MIPOL1: variants seen among roughly 807,000 people sequenced by gnomAD.
The protein encoded by MIPOL1 is mirror-image polydactyly 1.
A neutral mutation model predicts 60.9 loss-of-function variants in MIPOL1; 57 were observed. That is an observed-to-expected ratio of 0.94 (90% CI 0.76 to 1.17). MIPOL1 has a LOEUF of 1.17. MIPOL1 is among the 50% of genes most tolerant of loss of function. MIPOL1 has a pLI of 0.00. For synonymous variants in MIPOL1, 179 were observed against 168.8 expected (o/e 1.06, Z -0.47); for missense variants, 551 against 511.6 (o/e 1.08, Z -0.74).
At chr14:37,318,791 TTTTA>T (rs149083164) in intron 9 of MIPOL1, among the ~76,000 whole-genome samples, 12,325 of 149,568 alleles carry the variant, frequency 0.082, 653 homozygotes, top group African/African-American at 0.14. Context: ...TTTTACTTCA[TTTTA>T]TTTATTTATT....
At chr14:37,509,021 G>T (rs1254334933) in intron 12 of MIPOL1, among the ~76,000 whole-genome samples, 1 of 151,696 alleles carries the variant, frequency 6.6e-6, no homozygotes, top group Non-Finnish European at 1.5e-5. Flanking sequence ...ATTTCTTTCG[G>T]GGATTACATC....
At chr14:37,429,955 G>A (rs950344642) in intron 11 of MIPOL1, among the ~76,000 whole-genome samples, 1 of 152,102 alleles carries the variant, frequency 6.6e-6, no homozygotes, top group Non-Finnish European at 1.5e-5. Flanking sequence ...TAGCCATGAA[G>A]CAATATTTTT....
intron 10 of MIPOL1, among the ~76,000 whole-genome samples, chr14:37,388,766 T>A (rs1456580615): frequency 6.6e-6 from 1 of 152,088 alleles, no homozygotes; most frequent in African/African-American, 2.4e-5. Context: ...TGTGTCTGGC[T>A]TCTTTCAACA....
chr14:37,239,026 C>T (rs8012018), intron 1 of MIPOL1, among the ~76,000 whole-genome samples: 65,832 of 148,914 alleles, frequency 0.44, 16,519 homozygotes, highest in African/African-American at 0.7. Context: ...GGAAGTCTTT[C>T]AAAAGTAGCA....
chr14:37,462,978 G>T (rs1036693235), intron 11 of MIPOL1, among the ~76,000 whole-genome samples: 1 of 152,026 alleles, frequency 6.6e-6, no homozygotes, highest in African/African-American at 2.4e-5. Flanking sequence ...CACATTTTCG[G>T]GTATCTTTTC....
rs1347906736 is a variant in MIPOL1, at chr14:37,368,359, C to T, written c.829-1158C>T. ...TTTTTCTTCTAAAACATTTTGTATA[C>T]TCAAAGTTGTGAAATATTGATACGT... On this transcript the variant is annotated intron_variant, in intron 9 of 12. Transcript: ENST00000684589. Among the ~76,000 whole-genome samples, 7 of 102,172 alleles carry T rather than the reference C, an allele frequency of 6.9e-5. No individual in the cohort carries two copies. The Admixed American group carries it at 7.1e-4, about 10-fold the overall frequency. The allele number at this position is 102,172 out of a possible 152,430, so 67.0% of individuals were successfully genotyped here.
Position 37,239,325 on chromosome 14 carries a change from G to A in MIPOL1, c.-198-7778G>A, listed in dbSNP as rs112802439. 2.6e-3 allele frequency among the ~76,000 whole-genome samples: 403 copies of A among 152,180 alleles called. 3 individuals carry two copies. Among genetic ancestry groups the A allele is most frequent in the African/African-American group, 9.1e-3 (378 of 41,524 alleles). ...CTCCCAAAGTGCTGGGATTACAGGCGTGAGCCACCGCGCCTGGCCTGCTTA... is the reference window on the plus strand; with the variant it reads ...CTCCCAAAGTGCTGGGATTACAGGCATGAGCCACCGCGCCTGGCCTGCTTA... On this transcript the variant is annotated intron_variant, in intron 1 of 12. Coordinates refer to ENST00000684589, the MANE Select transcript of MIPOL1 (RefSeq NM_001388067.1).
intron 3 of MIPOL1, among the ~76,000 whole-genome samples, 173 bp downstream of exon 3, chr14:37,248,080 GACACACAGAGAAAAGAGACAT>G (rs1329713155): frequency 6.6e-6 from 1 of 151,090 alleles, no homozygotes; most frequent in African/African-American, 2.4e-5. Context: ...TACAAAGAAA[GACACACAGAGAAAAGAGACAT>G]ACACACAGAG....
chr14:37,237,201 C>T (rs551132830), intron 1 of MIPOL1, among the ~76,000 whole-genome samples: 152 of 152,194 alleles, frequency 1.0e-3, no homozygotes, highest in African/African-American at 3.5e-3. Flanking sequence ...GAGTTCTGAG[C>T]TAGGTGAAAC....
chr14:37,496,034 T>C (rs1340952743), intron 11 of MIPOL1, among the ~76,000 whole-genome samples: 1 of 151,828 alleles, frequency 6.6e-6, no homozygotes, highest in Non-Finnish European at 1.5e-5. Flanking sequence ...ATTAGCCCTT[T>C]GTCAGATGAG....
chr14:37,523,686 G>A, intron 12 of MIPOL1: 1 of 339,804 alleles, frequency 2.9e-6, no homozygotes, highest in Non-Finnish European at 5.4e-6. Context: ...CAGGCACTGT[G>A]TTAGGCACTG....
chr14:37,518,741 A>C (rs2095390194), intron 12 of MIPOL1, among the ~76,000 whole-genome samples: 1 of 152,168 alleles, frequency 6.6e-6, no homozygotes, highest in Non-Finnish European at 1.5e-5. Flanking sequence ...ACCATTTCCC[A>C]TTAAAAAGTA....
intron 9 of MIPOL1, among the ~76,000 whole-genome samples, chr14:37,329,651 A>G (rs560196437): frequency 6.6e-6 from 1 of 152,290 alleles, no homozygotes; most frequent in East Asian, 1.9e-4. Flanking sequence ...TAAAGTTTGC[A>G]AACCAAGAGG....
At chr14:37,327,189 A>C (rs1231797604) in intron 9 of MIPOL1, among the ~76,000 whole-genome samples, 1 of 152,190 alleles carries the variant, frequency 6.6e-6, no homozygotes, top group African/African-American at 2.4e-5. Context: ...TAGGGTCTTG[A>C]GGTCAGTAAA....
chr14:37,270,057 G>C (rs183329210), intron 5 of MIPOL1, among the ~76,000 whole-genome samples: 210 of 152,208 alleles, frequency 1.4e-3, no homozygotes, highest in African/African-American at 4.9e-3. Flanking sequence ...TCAAACTCCT[G>C]ACCTCAGGTG....
chr14:37,357,121 C>T (rs1045800586), intron 9 of MIPOL1, among the ~76,000 whole-genome samples: 1 of 152,124 alleles, frequency 6.6e-6, no homozygotes, highest in Non-Finnish European at 1.5e-5. Context: ...GGAGTATATA[C>T]CCAGTAGTGG....
intron 7 of MIPOL1, among the ~76,000 whole-genome samples, chr14:37,294,855 A>T (rs2085471108): frequency 6.6e-6 from 1 of 152,190 alleles, no homozygotes; most frequent in Admixed American, 6.5e-5. Context: ...GACGGGGAGA[A>T]TGGAATCAAG....
intron 12 of MIPOL1, among the ~76,000 whole-genome samples, chr14:37,514,481 T>C (rs1390855694): frequency 6.6e-6 from 1 of 152,186 alleles, no homozygotes; most frequent in East Asian, 1.9e-4. Flanking sequence ...AAAACATTGC[T>C]CAATCTCATT....
At position 37,338,058 on chromosome 14, in the gene MIPOL1, C is replaced by T. The variant is rs117213612; in HGVS notation, c.828+29539C>T. ...TTGTTGTATGGTTTACAAAAGGCAT[C>T]CAACTTCAGTCTTTTGCATATGACA... On this transcript the variant is annotated intron_variant, in intron 9 of 12. Transcript: ENST00000684589. Among the ~76,000 whole-genome samples, 24 of 151,540 alleles carry T rather than the reference C, an allele frequency of 1.6e-4. No individual in the cohort carries two copies. The East Asian group carries it at 4.7e-3, about 29-fold the overall frequency.
Sources: gnomAD v4.1 joint callset for allele counts (sites outside exome capture counted in the v4.1 genomes callset) on GRCh38, gnomAD v4.1.1 for gene constraint, MANE v1.5 for transcripts, NCBI Gene and HGNC (gene_info 2026-07-23, HGNC 2026-07-21) for gene names.